The following PDE4B variants were observed in gnomAD, a reference collection of about 807,000 sequenced individuals.
The protein encoded by PDE4B is phosphodiesterase 4B, also known as 3',5'-cyclic-AMP phosphodiesterase 4B.
In PDE4B, 20 loss-of-function variants were observed where a neutral mutation model predicts 82.2. The ratio of observed to expected loss-of-function variants is 0.24; its 90% CI spans 0.17 to 0.35. The LOEUF (loss-of-function observed/expected upper bound fraction) is 0.35. PDE4B is among the 10% of genes least tolerant of loss of function. PDE4B has a pLI of 1.00. For missense variants in PDE4B, 655 were observed against 907.2 expected, an observed-to-expected ratio of 0.72 and a Z score of 3.57; for synonymous variants, 320 against 318.9, an observed-to-expected ratio of 1.00 and a Z score of -0.04.
intron 3 of PDE4B, among the ~76,000 whole-genome samples, chr1:66,168,158 T>C (rs1365569633): frequency 6.6e-6 from 1 of 152,184 alleles, no homozygotes; most frequent in African/African-American, 2.4e-5. Flanking sequence ...TTTTATTCAT[T>C]TATAAATTAA....
chr1:66,188,047 T>G (rs1647341224), intron 3 of PDE4B, among the ~76,000 whole-genome samples: 1 of 147,862 alleles, frequency 6.8e-6, no homozygotes, highest in Non-Finnish European at 1.5e-5. Flanking sequence ...TTTGTTCTCG[T>G]TGGTTTCAAA....
intron 3 of PDE4B, among the ~76,000 whole-genome samples, chr1:66,098,962 A>C (rs1428206726): frequency 6.6e-6 from 1 of 152,092 alleles, no homozygotes; most frequent in Non-Finnish European, 1.5e-5. Context: ...CCTACTACTA[A>C]ATGTAATTCT....
At chr1:65,922,122 C>G (rs1210658699) in intron 3 of PDE4B, among the ~76,000 whole-genome samples, 1 of 152,160 alleles carries the variant, frequency 6.6e-6, no homozygotes, top group Non-Finnish European at 1.5e-5. Flanking sequence ...AGAAAGGACT[C>G]AAGCCCAGTT....
intron 1 of PDE4B, among the ~76,000 whole-genome samples, chr1:65,793,524 A>T (rs1453591373): frequency 1.3e-5 from 2 of 152,054 alleles, no homozygotes; most frequent in Non-Finnish European, 2.9e-5. Context: ...GGATGGAGAG[A>T]GGCTAAGGGA....
chr1:66,112,995 C>A (rs1423808335), intron 3 of PDE4B, among the ~76,000 whole-genome samples: 1 of 152,112 alleles, frequency 6.6e-6, no homozygotes, highest in Non-Finnish European at 1.5e-5. Flanking sequence ...TTAAAGTGAC[C>A]AAGTTTCTTT....
intron 1 of PDE4B, among the ~76,000 whole-genome samples, chr1:65,841,498 A>C (rs545548598): frequency 1.3e-5 from 2 of 152,066 alleles, no homozygotes; most frequent in African/African-American, 2.4e-5. Flanking sequence ...GAAGCAGCCT[A>C]CTGTCCTCAA....
chr1:66,127,370 A>G (rs1645845407), intron 3 of PDE4B, among the ~76,000 whole-genome samples: 1 of 152,218 alleles, frequency 6.6e-6, no homozygotes, highest in Non-Finnish European at 1.5e-5. Flanking sequence ...TTTACACGTT[A>G]GGGATACTTC....
intron 3 of PDE4B, among the ~76,000 whole-genome samples, chr1:66,134,057 A>G (rs985161447): frequency 5.3e-5 from 8 of 150,644 alleles, no homozygotes; most frequent in Non-Finnish European, 1.2e-4. Flanking sequence ...AAAAAAAAAA[A>G]GACTTCTAAG....
intron 3 of PDE4B, among the ~76,000 whole-genome samples, chr1:66,019,841 T>A (rs1472661893): frequency 1.3e-5 from 2 of 152,204 alleles, no homozygotes; most frequent in African/African-American, 4.8e-5. Context: ...CAGATCCAGT[T>A]TGAGGAACTA....
At chr1:66,054,234 A>T (rs1237654841) in intron 3 of PDE4B, among the ~76,000 whole-genome samples, 2 of 152,188 alleles carry the variant, frequency 1.3e-5, no homozygotes, top group African/African-American at 4.8e-5. Flanking sequence ...TGGATAGGTA[A>T]TCATATACCA....
chr1:66,175,499 A>T (rs1386553303), intron 3 of PDE4B, among the ~76,000 whole-genome samples: 1 of 152,218 alleles, frequency 6.6e-6, no homozygotes, highest in Non-Finnish European at 1.5e-5. Context: ...ATCCAAATAT[A>T]TTATCTCTGA....
chr1:66,008,568 C>T (rs1652287582), intron 3 of PDE4B, among the ~76,000 whole-genome samples: 1 of 152,066 alleles, frequency 6.6e-6, no homozygotes, highest in Non-Finnish European at 1.5e-5. Flanking sequence ...CTTTAAAAAG[C>T]CCTCTTTGAC....
chr1:66,180,179 G>T (rs1392315752), intron 3 of PDE4B, among the ~76,000 whole-genome samples: 2 of 152,190 alleles, frequency 1.3e-5, no homozygotes, highest in Non-Finnish European at 2.9e-5. Flanking sequence ...TTGCAATCTG[G>T]TAAGTGTCTG....
chr1:65,830,155 C>T (rs12758390), intron 1 of PDE4B, among the ~76,000 whole-genome samples: 15,344 of 152,004 alleles, frequency 0.1, 867 homozygotes, highest in South Asian at 0.14. Context: ...AAAATTGGAA[C>T]AATTTGAGCA....
At chr1:66,324,782 T>G (rs944433875) in intron 7 of PDE4B, among the ~76,000 whole-genome samples, 4 of 152,186 alleles carry the variant, frequency 2.6e-5, no homozygotes, top group Non-Finnish European at 5.9e-5. Flanking sequence ...CTTGCAAACT[T>G]TGGTCTTGGA....
intron 12 of PDE4B, among the ~76,000 whole-genome samples, chr1:66,364,763 C>G (rs942694676): frequency 2.0e-5 from 3 of 152,172 alleles, no homozygotes; most frequent in African/African-American, 7.2e-5. Context: ...CACTATCTAT[C>G]AACTGCTCAC....
chr1:65,823,396 TAAAAAAAA>T (rs35854326), intron 1 of PDE4B, among the ~76,000 whole-genome samples: 1 of 70,418 alleles, frequency 1.4e-5, no homozygotes, highest in African/African-American at 5.5e-5. Flanking sequence ...ACTCCATCTC[TAAAAAAAA>T]AAAAAAAAAA....
intron 3 of PDE4B, among the ~76,000 whole-genome samples, chr1:65,988,634 G>GT (rs773289612): frequency 9.0e-4 from 71 of 78,618 alleles, no homozygotes; most frequent in Admixed American, 6.9e-3. Context: ...CTCTTTTAAA[G>GT]ATTTTTTTTT....
At chr1:66,148,435 C>T (rs964360742) in intron 3 of PDE4B, among the ~76,000 whole-genome samples, 6 of 152,264 alleles carry the variant, frequency 3.9e-5, no homozygotes, top group Non-Finnish European at 2.9e-5. Context: ...TTCTATTTCA[C>T]ACAATAATGT....
Sources: gnomAD v4.1 joint callset for allele counts (sites outside exome capture counted in the v4.1 genomes callset) on GRCh38, gnomAD v4.1.1 for gene constraint, MANE v1.5 for transcripts, NCBI Gene and HGNC (gene_info 2026-07-23, HGNC 2026-07-21) for gene names.